Variants in PMFBP1 observed in about 807,000 individuals in gnomAD.
PMFBP1 encodes polyamine modulated factor 1 binding protein 1, also known as polyamine-modulated factor 1-binding protein 1.
Under a neutral mutation model 137.8 loss-of-function variants are expected in PMFBP1, and 131 were observed. The observed-to-expected ratio is 0.95, with a 90% CI of 0.82 to 1.10. The LOEUF (loss-of-function observed/expected upper bound fraction) is 1.10, where lower values mean the gene tolerates loss of function less well. Among genes scored for constraint, PMFBP1 ranks in the 50% least tolerant of loss-of-function variants. The pLI is 0.00. For synonymous variants in PMFBP1, 490 were observed against 450.4 expected (o/e 1.09, Z -1.11); for missense variants, 1,199 against 1,175.4 (o/e 1.02, Z -0.29).
the PMFBP1 span, among the ~76,000 whole-genome samples, chr16:72,209,677 T>C: frequency 1.3e-5 from 2 of 152,310 alleles, no homozygotes; most frequent in African/African-American, 4.8e-5. Context: ...AGTACCCATG[T>C]GCTCAGTATT....
At chr16:72,213,905 G>T in the PMFBP1 span, among the ~76,000 whole-genome samples, 1 of 152,132 alleles carries the variant, frequency 6.6e-6, no homozygotes, top group Non-Finnish European at 1.5e-5. Flanking sequence ...TCACTACTTG[G>T]CTCCACAGTG....
At chr16:72,140,654 GA>G in intron 5 of PMFBP1, 72 bp from the exon 6 acceptor site, 4 of 1,386,472 alleles carry the variant, frequency 2.9e-6, no homozygotes, top group Non-Finnish European at 3.0e-6. Flanking sequence ...CATGAACATG[GA>G]AAATCTCTAG....
At position 72,130,312 on chromosome 16, in the gene PMFBP1, C is replaced by A. The variant is rs2042529441; in HGVS notation, c.1683G>T (p.Arg561Ser). ...ELSLELSEAL[R>S]KLENSDKEKR... ...TTTCCTTGTCTGAATTTTCAAGCTTCCTCAGGGCTTCAGAGAGTTCTAATG... is the reference window on the plus strand; with the variant it reads ...TTTCCTTGTCTGAATTTTCAAGCTTACTCAGGGCTTCAGAGAGTTCTAATG... Residue 561 changes from arginine to serine, a missense_variant, in exon 12 of 21, where the codon AGG becomes AGT. Physicochemically the swap from Arg to Ser is moderately radical, Grantham distance 110 (BLOSUM62 -1). Coordinates refer to ENST00000237353, the MANE Select transcript of PMFBP1 (RefSeq NM_031293.3). 1 of 1,614,100 alleles carries A rather than the reference C, an allele frequency of 6.2e-7. No individual in the cohort carries two copies. Among genetic ancestry groups the A allele is most frequent in the Non-Finnish European group, 8.5e-7 (1 of 1,180,052 alleles).
intron 16 of PMFBP1, 119 bp downstream of exon 16, chr16:72,125,119 A>G: frequency 7.0e-7 from 1 of 1,433,860 alleles, no homozygotes; most frequent in South Asian, 1.4e-5. Context: ...GGGAGCCAAG[A>G]AAGTGGAGGG....
chr16:72,182,495 CAAAAAAAAAAAAA>C, the PMFBP1 span, among the ~76,000 whole-genome samples: 1 of 74,072 alleles, frequency 1.4e-5, no homozygotes, highest in East Asian at 4.3e-4. Context: ...AACTCTGCCT[CAAAAAAAAAAAAA>C]AAAAAAAAGG....
At chr16:72,126,518 T>C (rs1032036231) in intron 14 of PMFBP1, among the ~76,000 whole-genome samples, 2 of 152,228 alleles carry the variant, frequency 1.3e-5, no homozygotes, top group Non-Finnish European at 2.9e-5. Flanking sequence ...CCTCACTTAG[T>C]TCCTGATGTA....
the PMFBP1 span, among the ~76,000 whole-genome samples, chr16:72,244,071 C>T: frequency 6.6e-6 from 1 of 152,252 alleles, no homozygotes; most frequent in African/African-American, 2.4e-5. Context: ...CCAGCTGAGG[C>T]TGAAACACAA....
downstream of PMFBP1, among the ~76,000 whole-genome samples, chr16:72,116,709 T>G (rs1413364628): frequency 6.6e-6 from 1 of 152,160 alleles, no homozygotes; most frequent in Non-Finnish European, 1.5e-5. Context: ...TGCATGCAAA[T>G]ATTCAGTTTT....
intron 16 of PMFBP1, 145 bp downstream of exon 16, chr16:72,125,093 C>A: frequency 2.9e-6 from 4 of 1,380,002 alleles, no homozygotes; most frequent in Non-Finnish European, 3.9e-6. Flanking sequence ...TCTTTGCTGC[C>A]TCTGTCTGAA....
At chr16:72,208,901 C>A in the PMFBP1 span, among the ~76,000 whole-genome samples, 1 of 152,304 alleles carries the variant, frequency 6.6e-6, no homozygotes, top group Non-Finnish European at 1.5e-5. Context: ...CATTGGTCCC[C>A]ATCTGATCAG....
At chr16:72,248,628 A>G in the PMFBP1 span, among the ~76,000 whole-genome samples, 2 of 152,352 alleles carry the variant, frequency 1.3e-5, no homozygotes, top group Non-Finnish European at 2.9e-5. Context: ...GTAGAAACAC[A>G]TAATTCCATT....
In PMFBP1 at chr16:72,140,591, T is replaced by C. The variant is rs1567629347; in HGVS notation, c.637-9A>G. 2.5e-6 allele frequency: 4 copies of C among 1,607,078 alleles called. No individual in the cohort carries two copies. Among genetic ancestry groups the C allele is most frequent in the Non-Finnish European group, 3.4e-6 (4 of 1,175,490 alleles). On this transcript the variant is annotated splice_polypyrimidine_tract_variant and intron_variant, in intron 5 of 20. Transcript: ENST00000237353. ...CCCTTGTTCTCAGGCTCCTGAGAGA[T>C]TTAAAAATAATGGGTTGATTTTGCT...
At chr16:72,248,748 C>A in the PMFBP1 span, among the ~76,000 whole-genome samples, 1 of 152,054 alleles carries the variant, frequency 6.6e-6, no homozygotes, top group African/African-American at 2.4e-5. Flanking sequence ...AGCTTTTAGG[C>A]GCCCAATGAA....
chr16:72,137,756 A>T (rs77683685), intron 7 of PMFBP1, among the ~76,000 whole-genome samples: 1 of 152,130 alleles, frequency 6.6e-6, no homozygotes, highest in Non-Finnish European at 1.5e-5. Flanking sequence ...AGAAGGCAGG[A>T]ACATGTGGCT....
At chr16:72,208,569 G>A in the PMFBP1 span, among the ~76,000 whole-genome samples, 1 of 152,250 alleles carries the variant, frequency 6.6e-6, no homozygotes, top group African/African-American at 2.4e-5. Flanking sequence ...ATTGGCAGAA[G>A]CAGGTGGCTC....
intron 17 of PMFBP1, among the ~76,000 whole-genome samples, chr16:72,124,526 C>T (rs965260625): frequency 1.3e-5 from 2 of 152,220 alleles, no homozygotes; most frequent in African/African-American, 4.8e-5. Context: ...GCTGGTGTAC[C>T]TGACAGTCTC....
chr16:72,197,511 G>A, the PMFBP1 span, among the ~76,000 whole-genome samples: 1 of 152,186 alleles, frequency 6.6e-6, no homozygotes, highest in African/African-American at 2.4e-5. Flanking sequence ...CATGGGCAGT[G>A]TCTGGGAGGA....
chr16:72,168,789 A>G (rs910642026), intron 2 of PMFBP1, among the ~76,000 whole-genome samples: 1 of 152,244 alleles, frequency 6.6e-6, no homozygotes, highest in Non-Finnish European at 1.5e-5. Flanking sequence ...CACAGGCAAA[A>G]TGATGAGTGC....
chr16:72,151,604 A>G lies in PMFBP1; in HGVS notation c.415-775T>C, dbSNP rs149781544. Among the ~76,000 whole-genome samples, 341 of 152,342 alleles carry G rather than the reference A, an allele frequency of 2.2e-3. 1 individual carries two copies. Among genetic ancestry groups the G allele is most frequent in the African/African-American group, 4.9e-3 (203 of 41,580 alleles). The stretch of plus-strand genomic sequence containing the variant: ...GCTTTATATTAGTTTAAATAATCCA[A>G]TGTAGAATGCTGATAGAACATGTTC... On this transcript the variant is annotated intron_variant, in intron 4 of 20. Coordinates refer to ENST00000237353, the MANE Select transcript of PMFBP1 (RefSeq NM_031293.3).
Sources: allele counts gnomAD v4.1 joint callset (sites outside exome capture counted in the v4.1 genomes callset), GRCh38; gene constraint gnomAD v4.1.1; transcripts MANE v1.5; gene names NCBI Gene and HGNC (gene_info 2026-07-23, HGNC 2026-07-21).